Variants in DAB1 observed in about 807,000 individuals in gnomAD.
The protein encoded by DAB1 is disabled homolog 1.
In DAB1, 15 loss-of-function variants were observed where a neutral mutation model predicts 64.6. That is an observed-to-expected ratio of 0.23 (90% confidence interval 0.16 to 0.36). The LOEUF is 0.36. Among genes scored for constraint, DAB1 ranks in the 10% least tolerant of loss-of-function variants. The pLI is 1.00. For missense variants in DAB1, 596 were observed against 706.7 expected, an observed-to-expected ratio of 0.84 and a Z score of 1.78; for synonymous variants, 235 against 251.9, an observed-to-expected ratio of 0.93 and a Z score of 0.64.
At chr1:58,155,979 G>T (rs1655204616) in intron 4 of DAB1, among the ~76,000 whole-genome samples, 1 of 152,158 alleles carries the variant, frequency 6.6e-6, no homozygotes, top group African/African-American at 2.4e-5. Context: ...CCTGTCTGTT[G>T]TCTTATGAGG....
intron 5 of DAB1, among the ~76,000 whole-genome samples, chr1:58,021,811 C>T (rs1008297525): frequency 2.6e-5 from 4 of 152,030 alleles, no homozygotes; most frequent in East Asian, 1.9e-4. Flanking sequence ...AAAGGGCAAC[C>T]GGGAATGATC....
chr1:57,904,024 T>TA (rs1392941473), intron 5 of DAB1, among the ~76,000 whole-genome samples: 5 of 152,216 alleles, frequency 3.3e-5, no homozygotes, highest in Non-Finnish European at 7.3e-5. Flanking sequence ...CATCTTCCTT[T>TA]GTACTTCATG....
intron 4 of DAB1, among the ~76,000 whole-genome samples, chr1:57,078,331 T>C (rs1652176916): frequency 6.6e-6 from 1 of 152,162 alleles, no homozygotes; most frequent in South Asian, 2.1e-4. Flanking sequence ...GCAATTCACA[T>C]CCAAGCTCTA....
intron 6 of DAB1, among the ~76,000 whole-genome samples, chr1:57,737,493 C>T (rs1429766648): frequency 6.6e-6 from 1 of 152,134 alleles, no homozygotes; most frequent in African/African-American, 2.4e-5. Flanking sequence ...AGGTATCTAC[C>T]CATAGATTAT....
At chr1:57,340,106 A>T (rs1677449890) in intron 1 of DAB1, among the ~76,000 whole-genome samples, 1 of 152,132 alleles carries the variant, frequency 6.6e-6, no homozygotes, top group Admixed American at 6.6e-5. Flanking sequence ...CCCCAACTAG[A>T]AGGGGTTTTA....
intron 5 of DAB1, among the ~76,000 whole-genome samples, chr1:58,086,238 C>T (rs1224531109): frequency 6.6e-6 from 1 of 152,118 alleles, no homozygotes; most frequent in East Asian, 1.9e-4. Flanking sequence ...GCTGGGATTA[C>T]AGGCGTGAGC....
intron 2 of DAB1, among the ~76,000 whole-genome samples, chr1:57,269,174 C>T (rs1670800709): frequency 1.3e-5 from 2 of 152,044 alleles, no homozygotes; most frequent in East Asian, 1.9e-4. Flanking sequence ...CTCCAGTCTC[C>T]CACCAGCACC....
At chr1:57,471,330 AT>A (rs1202870149) in intron 7 of DAB1, among the ~76,000 whole-genome samples, 5 of 152,120 alleles carry the variant, frequency 3.3e-5, no homozygotes, top group Non-Finnish European at 7.4e-5. Context: ...ACTCTGTGTT[AT>A]TTTTTTTAAA....
At chr1:58,502,953 C>T (rs1569904384) in intron 3 of DAB1, among the ~76,000 whole-genome samples, 1 of 152,150 alleles carries the variant, frequency 6.6e-6, no homozygotes, top group African/African-American at 2.4e-5. Flanking sequence ...TTGTCTTCAT[C>T]ATTTGCTCCC....
intron 4 of DAB1, among the ~76,000 whole-genome samples, chr1:57,102,038 C>T (rs139293177): frequency 3.7e-3 from 568 of 152,260 alleles, no homozygotes; most frequent in South Asian, 1.0e-2. Flanking sequence ...ACTATTTCAG[C>T]AAGGGCCCTT....
At chr1:58,165,774 G>A (rs1441571668) in intron 4 of DAB1, among the ~76,000 whole-genome samples, 1 of 152,198 alleles carries the variant, frequency 6.6e-6, no homozygotes, top group Non-Finnish European at 1.5e-5. Flanking sequence ...AGAGAACTCT[G>A]TTTTAACCAC....
chr1:57,049,181 C>T (rs750265232), intron 9 of DAB1, among the ~76,000 whole-genome samples: 2 of 152,060 alleles, frequency 1.3e-5, no homozygotes, highest in Admixed American at 6.6e-5. Context: ...GATGTACAAA[C>T]AGTCTTAGAA....
intron 7 of DAB1, among the ~76,000 whole-genome samples, chr1:57,643,899 T>C (rs1646160781): frequency 6.6e-6 from 1 of 152,152 alleles, no homozygotes; most frequent in Non-Finnish European, 1.5e-5. Context: ...GAAAATAGGC[T>C]GGTCAGCAAT....
chr1:57,072,153 G>A (rs1005171015), intron 5 of DAB1, 130 bp downstream of exon 5: 1 of 985,788 alleles, frequency 1.0e-6, no homozygotes, highest in African/African-American at 1.6e-5. Context: ...ATGGGAATGT[G>A]AGCATCAACT....
chr1:58,431,028 A>G (rs962621956), intron 3 of DAB1, among the ~76,000 whole-genome samples: 2 of 152,202 alleles, frequency 1.3e-5, no homozygotes, highest in African/African-American at 4.8e-5. Flanking sequence ...GACACATAGT[A>G]ATTTGTCATT....
chr1:58,229,092 C>T (rs114134626), intron 4 of DAB1: 87 of 243,200 alleles, frequency 3.6e-4, no homozygotes, highest in African/African-American at 1.8e-3. Flanking sequence ...TCAGCCTCCT[C>T]GGTACCTGGT....
At chr1:58,209,360 C>A (rs574787746) in intron 4 of DAB1, among the ~76,000 whole-genome samples, 4 of 152,174 alleles carry the variant, frequency 2.6e-5, no homozygotes, top group Non-Finnish European at 5.9e-5. Flanking sequence ...GAGCTGAGAA[C>A]TAACACTACT....
intron 6 of DAB1, among the ~76,000 whole-genome samples, chr1:57,688,113 C>G (rs186255326): frequency 3.7e-4 from 56 of 152,168 alleles, no homozygotes; most frequent in Middle Eastern, 3.4e-3. Flanking sequence ...AAACTATCAA[C>G]AGAATAAACA....
In DAB1 at chr1:58,177,423, C is replaced by G. The variant is rs1052988505; in HGVS notation, n.310-26835G>C. On this transcript the variant is annotated intron_variant and non_coding_transcript_variant, in intron 4 of 20. Coordinates refer to the DAB1 transcript ENST00000485760. ...TAATTTGGTTGCCAAAATTAAGGCT[C>G]AGATGAAAGAAAAAAAATAAGTTCC... Among the ~76,000 whole-genome samples, 2 of 151,940 alleles carry G rather than the reference C, an allele frequency of 1.3e-5. 1 individual carries two copies. Among genetic ancestry groups the G allele is most frequent in the Non-Finnish European group, 2.9e-5 (2 of 67,980 alleles).
Sources: allele counts gnomAD v4.1 joint callset (sites outside exome capture counted in the v4.1 genomes callset), GRCh38; gene constraint gnomAD v4.1.1; transcripts MANE v1.5; gene names NCBI Gene and HGNC (gene_info 2026-07-23, HGNC 2026-07-21).